ARHGEF28: variants seen among roughly 807,000 people sequenced by gnomAD.
The protein encoded by ARHGEF28 is 190 kDa guanine nucleotide exchange factor.
A neutral mutation model predicts 206.6 loss-of-function variants in ARHGEF28; 152 were observed. The observed-to-expected ratio is 0.74, with a 90% CI of 0.64 to 0.84. The LOEUF is 0.84. ARHGEF28 is among the 40% of genes least tolerant of loss of function. ARHGEF28 has a pLI of 0.00. For synonymous variants in ARHGEF28, 763 were observed against 776.4 expected, an observed-to-expected ratio of 0.98 and a Z score of 0.29; for missense variants, 2,028 against 2,073.2, an observed-to-expected ratio of 0.98 and a Z score of 0.42.
rs1754683011 is a variant in ARHGEF28 at position 73,794,544 on chromosome 5, C to CT, written c.963+91dup. ...TGGTAATAAAAATGTTTAAAAAACA[C>CT]TAAAAAAAGGATGTGCCCCAAGTCA... On this transcript the variant is annotated intron_variant, in intron 8 of 35. Transcript: ENST00000513042. The CT allele has an allele frequency of 1.2e-5, 13 of 1,052,422 alleles. No homozygotes were observed. The South Asian group carries it at 2.0e-4, about 16-fold the overall frequency. 65.2% of individuals were successfully genotyped at this position (1,052,422 alleles called of 1,614,324 possible). A position where few individuals can be genotyped will look rare whatever the true frequency, so the allele number is the denominator to read the frequency against.
intron 24 of ARHGEF28, among the ~76,000 whole-genome samples, chr5:73,884,528 A>G (rs914056294): frequency 2.6e-5 from 4 of 152,238 alleles, no homozygotes; most frequent in African/African-American, 9.6e-5. Flanking sequence ...AAAATGGTCT[A>G]ATCCTCAAGC....
chr5:73,741,383 G>GTGTGTA (rs1751407170), intron 2 of ARHGEF28, among the ~76,000 whole-genome samples: 2 of 18,298 alleles, frequency 1.1e-4, no homozygotes, highest in African/African-American at 6.0e-4. Context: ...GTGTGTGTGT[G>GTGTGTA]TGTATATATA....
At chr5:73,915,630 G>A (rs982408054) in intron 35 of ARHGEF28, among the ~76,000 whole-genome samples, 2 of 151,918 alleles carry the variant, frequency 1.3e-5, no homozygotes, top group Non-Finnish European at 2.9e-5. Flanking sequence ...ACTCTGAAAG[G>A]CAAAAACAAA....
intron 35 of ARHGEF28, among the ~76,000 whole-genome samples, chr5:73,933,375 C>T (rs1392490172): frequency 2.0e-5 from 3 of 152,136 alleles, no homozygotes; most frequent in East Asian, 1.9e-4. Flanking sequence ...CATTTTATAG[C>T]GTAGGTTCAC....
intron 30 of ARHGEF28, 77 bp from the exon 31 acceptor site, chr5:73,901,107 G>A (rs939024563): frequency 3.9e-5 from 43 of 1,113,598 alleles, no homozygotes; most frequent in African/African-American, 1.7e-4. Flanking sequence ...TGTGTTGGCC[G>A]TGTACAGAAG....
intron 1 of ARHGEF28, among the ~76,000 whole-genome samples, chr5:73,667,212 C>G (rs1466215419): frequency 6.7e-6 from 1 of 150,124 alleles, no homozygotes; most frequent in Non-Finnish European, 1.5e-5. Context: ...GCCAATAATT[C>G]AGTTTTCAAG....
intron 9 of ARHGEF28, among the ~76,000 whole-genome samples, chr5:73,808,631 G>C (rs1580647119): frequency 6.6e-6 from 1 of 152,214 alleles, no homozygotes; most frequent in African/African-American, 2.4e-5. Context: ...ATATGATGAA[G>C]CATATATTTA....
chr5:73,833,223 A>C (rs1757410897), intron 10 of ARHGEF28, among the ~76,000 whole-genome samples: 1 of 152,228 alleles, frequency 6.6e-6, no homozygotes, highest in Non-Finnish European at 1.5e-5. Flanking sequence ...CTGCCTTATA[A>C]ACTGACTTTA....
chr5:73,665,284 G>A (rs1242221746), intron 1 of ARHGEF28, among the ~76,000 whole-genome samples: 1 of 152,128 alleles, frequency 6.6e-6, no homozygotes, highest in Non-Finnish European at 1.5e-5. Flanking sequence ...GTACAGAAAA[G>A]GTTCCCATCC....
intron 1 of ARHGEF28, among the ~76,000 whole-genome samples, chr5:73,632,145 G>A (rs1299929227): frequency 1.3e-5 from 2 of 152,176 alleles, no homozygotes; most frequent in African/African-American, 4.8e-5. Context: ...CAGCACCACT[G>A]CAAGTACTAG....
chr5:73,753,349 C>T, intron 4 of ARHGEF28, 147 bp downstream of exon 4: 8 of 816,652 alleles, frequency 9.8e-6, no homozygotes, highest in Non-Finnish European at 1.4e-5. Flanking sequence ...TCCCTGAGGT[C>T]CTGAGCCACT....
intron 26 of ARHGEF28, among the ~76,000 whole-genome samples, chr5:73,889,947 C>G (rs927275545): frequency 2.6e-5 from 4 of 152,194 alleles, no homozygotes; most frequent in Non-Finnish European, 4.4e-5. Context: ...AAGTGAAATC[C>G]TCTAGTATTT....
intron 2 of ARHGEF28, among the ~76,000 whole-genome samples, chr5:73,745,880 A>G (rs768534675): frequency 1.1e-4 from 16 of 152,132 alleles, no homozygotes; most frequent in South Asian, 6.2e-4. Flanking sequence ...AAGAGGGAAG[A>G]CTAAATTTAT....
chr5:73,730,395 T>G (rs1438398616), intron 2 of ARHGEF28, among the ~76,000 whole-genome samples: 1 of 152,190 alleles, frequency 6.6e-6, no homozygotes, highest in Non-Finnish European at 1.5e-5. Flanking sequence ...CCTACTTATC[T>G]TGTTGGATTC....
At chr5:73,640,390 G>A (rs932638326) in intron 1 of ARHGEF28, among the ~76,000 whole-genome samples, 2 of 152,122 alleles carry the variant, frequency 1.3e-5, no homozygotes, top group Admixed American at 1.3e-4. Flanking sequence ...ACATCAGAAT[G>A]CCATTTAGCT....
chr5:73,900,849 G>T (rs559779610), intron 30 of ARHGEF28: 51 of 189,540 alleles, frequency 2.7e-4, no homozygotes, highest in Non-Finnish European at 5.2e-4. Flanking sequence ...TTCCCAGGAG[G>T]CATTTTCCTA....
At chr5:73,890,084 A>G (rs1300368722) in intron 26 of ARHGEF28, among the ~76,000 whole-genome samples, 1 of 152,234 alleles carries the variant, frequency 6.6e-6, no homozygotes, top group Non-Finnish European at 1.5e-5. Context: ...CAGACATGGT[A>G]CTTCCATTCC....
rs143809772 is a variant in ARHGEF28, at chr5:73,787,675, A to T, written c.911-6727A>T. On this transcript the variant is annotated intron_variant, in intron 7 of 35. Transcript: ENST00000513042. ...TAGTTTGCTGAGAATGATGGTTTCCAGCTTCATCCATGTCCCTGCAAAGGA... is the reference window on the plus strand; with the variant it reads ...TAGTTTGCTGAGAATGATGGTTTCCTGCTTCATCCATGTCCCTGCAAAGGA... Among the ~76,000 whole-genome samples, 231 of 152,244 alleles carry T rather than the reference A, an allele frequency of 1.5e-3. 1 individual carries two copies. Among genetic ancestry groups the T allele is most frequent in the East Asian group, 8.5e-3 (44 of 5,180 alleles).
chr5:73,857,640 G>T lies in ARHGEF28; in HGVS notation c.1791-16G>T, dbSNP rs1448156498. On this transcript the variant is annotated splice_polypyrimidine_tract_variant and intron_variant, in intron 14 of 35. Transcript: ENST00000513042. Reference sequence around the variant, plus strand: ...CTAAGTCATATGAGCCATGATAACAGATTCTGTTTTTGTAGAATTCAGGAA... The same window carrying T: ...CTAAGTCATATGAGCCATGATAACATATTCTGTTTTTGTAGAATTCAGGAA... The T allele has an allele frequency of 6.4e-7, 1 of 1,556,956 alleles. No individual in the cohort carries two copies. The highest frequency in any genetic ancestry group is 8.7e-7 in the Non-Finnish European group (1 of 1,149,684).
Sources: allele counts gnomAD v4.1 joint callset (sites outside exome capture counted in the v4.1 genomes callset), GRCh38; gene constraint gnomAD v4.1.1; transcripts MANE v1.5; gene names NCBI Gene and HGNC (gene_info 2026-07-23, HGNC 2026-07-21).